Variants in ANKS1B observed in about 807,000 individuals in gnomAD.
ANKS1B encodes the protein ankyrin repeat and sterile alpha motif domain-containing protein 1B.
In ANKS1B, 36 loss-of-function variants were observed where a neutral mutation model predicts 148.3. The ratio of observed to expected loss-of-function variants is 0.24; its 90% CI spans 0.19 to 0.32. ANKS1B has a LOEUF of 0.32. Among genes scored for constraint, ANKS1B ranks in the 10% least tolerant of loss-of-function variants. The pLI is 1.00. For synonymous variants in ANKS1B, 542 were observed against 560.8 expected, an observed-to-expected ratio of 0.97 and a Z score of 0.47; for missense variants, 1,157 against 1,542.6, an observed-to-expected ratio of 0.75 and a Z score of 4.19.
At chr12:99,707,023 T>C (rs1370778639) in intron 8 of ANKS1B, among the ~76,000 whole-genome samples, 1 of 152,118 alleles carries the variant, frequency 6.6e-6, no homozygotes. Context: ...CTTGAATACC[T>C]GACACACGAA....
chr12:99,694,434 A>G (rs2053595959), intron 8 of ANKS1B, among the ~76,000 whole-genome samples: 1 of 151,146 alleles, frequency 6.6e-6, no homozygotes, highest in Non-Finnish European at 1.5e-5. Context: ...GTGAGACTTC[A>G]TCTAAAAAAA....
At chr12:99,277,375 A>G (rs1359582437) in intron 12 of ANKS1B, among the ~76,000 whole-genome samples, 1 of 152,248 alleles carries the variant, frequency 6.6e-6, no homozygotes, top group Non-Finnish European at 1.5e-5. Flanking sequence ...GAATCATGTT[A>G]TCAAAGCTAC....
chr12:99,722,938 AC>A (rs1039934899), intron 8 of ANKS1B, among the ~76,000 whole-genome samples: 2 of 151,906 alleles, frequency 1.3e-5, no homozygotes, highest in Admixed American at 6.5e-5. Flanking sequence ...GTGGGTCCCC[AC>A]CCCCCCGCCA....
At chr12:99,495,936 T>C (rs2096599972) in intron 10 of ANKS1B, among the ~76,000 whole-genome samples, 1 of 152,228 alleles carries the variant, frequency 6.6e-6, no homozygotes, top group Non-Finnish European at 1.5e-5. Flanking sequence ...GCAGAAGGTA[T>C]AGTAGAGTGT....
intron 17 of ANKS1B, among the ~76,000 whole-genome samples, chr12:99,034,788 T>A (rs561873537): frequency 6.6e-6 from 1 of 152,284 alleles, no homozygotes; most frequent in African/African-American, 2.4e-5. Context: ...ATCAAATACT[T>A]TTTGAACATC....
chr12:99,978,570 C>T (rs905473014), intron 1 of ANKS1B, among the ~76,000 whole-genome samples: 1 of 152,206 alleles, frequency 6.6e-6, no homozygotes, highest in Non-Finnish European at 1.5e-5. Flanking sequence ...AGCTTAACTG[C>T]TCTATTTGTG....
chr12:99,700,256 G>T (rs2054591157), intron 8 of ANKS1B, among the ~76,000 whole-genome samples: 2 of 152,066 alleles, frequency 1.3e-5, no homozygotes, highest in South Asian at 4.1e-4. Context: ...GAACCCAGAG[G>T]AACCAAAAGC....
chr12:99,228,281 T>C (rs1354576838), intron 14 of ANKS1B, among the ~76,000 whole-genome samples: 1 of 152,148 alleles, frequency 6.6e-6, no homozygotes, highest in Non-Finnish European at 1.5e-5. Context: ...CAATTTTGTT[T>C]CATAAGTTAT....
chr12:99,662,045 T>C (rs1293305079), intron 8 of ANKS1B, among the ~76,000 whole-genome samples: 1 of 152,212 alleles, frequency 6.6e-6, no homozygotes, highest in Non-Finnish European at 1.5e-5. Flanking sequence ...AGGTGATCCC[T>C]ACCAGCCTTG....
intron 8 of ANKS1B, among the ~76,000 whole-genome samples, chr12:99,681,319 T>C (rs2098615256): frequency 6.6e-6 from 1 of 152,210 alleles, no homozygotes; most frequent in Admixed American, 6.5e-5. Context: ...TGTAGCATCC[T>C]AGCTAACCAG....
At chr12:99,051,483 ATTGT>A (rs1307926547) in intron 17 of ANKS1B, among the ~76,000 whole-genome samples, 1 of 152,202 alleles carries the variant, frequency 6.6e-6, no homozygotes, top group Non-Finnish European at 1.5e-5. Context: ...AAGTTGGAAG[ATTGT>A]TTGGTTGATG....
intron 15 of ANKS1B, among the ~76,000 whole-genome samples, chr12:99,118,173 G>A (rs1192266321): frequency 6.6e-6 from 1 of 152,090 alleles, no homozygotes; most frequent in Non-Finnish European, 1.5e-5. Context: ...ATGCAAAAAC[G>A]CTAAATTCTA....
chr12:99,374,694 T>A lies in ANKS1B; in HGVS notation c.1756+24937A>T, dbSNP rs148398351. On this transcript the variant is annotated intron_variant, in intron 12 of 26. Coordinates refer to ENST00000683438, the MANE Select transcript of ANKS1B (RefSeq NM_001352186.2). ...GCTACAATTTTCTAGCTGAACAAAT[T>A]ACAGCAATATAAGCTTTCTTATGGT... 5.4e-3 allele frequency among the ~76,000 whole-genome samples: 816 copies of A among 152,324 alleles called. 4 individuals are homozygous for A. Among genetic ancestry groups the A allele is most frequent in the Non-Finnish European group, 9.0e-3 (610 of 68,012 alleles).
chr12:99,739,415 T>C (rs2059898613), intron 8 of ANKS1B, among the ~76,000 whole-genome samples: 2 of 151,470 alleles, frequency 1.3e-5, no homozygotes, highest in Admixed American at 1.3e-4. Flanking sequence ...TGTCTTTAAA[T>C]ACCATTTGAA....
intron 17 of ANKS1B, among the ~76,000 whole-genome samples, chr12:98,886,444 T>G (rs1333317627): frequency 6.6e-6 from 1 of 152,184 alleles, no homozygotes; most frequent in African/African-American, 2.4e-5. Context: ...TGAATGGAGA[T>G]GAAAATGACA....
chr12:99,954,350 G>A (rs1252592003), intron 1 of ANKS1B, among the ~76,000 whole-genome samples: 1 of 152,098 alleles, frequency 6.6e-6, no homozygotes, highest in East Asian at 1.9e-4. Flanking sequence ...CTTCTTAACT[G>A]ACCTTCAAAG....
At chr12:99,222,884 A>G (rs1482533312) in intron 14 of ANKS1B, among the ~76,000 whole-genome samples, 1 of 152,160 alleles carries the variant, frequency 6.6e-6, no homozygotes, top group Non-Finnish European at 1.5e-5. Context: ...TGGGACTTGG[A>G]AAAATTCTTT....
At chr12:99,310,440 G>A (rs917842385) in intron 12 of ANKS1B, among the ~76,000 whole-genome samples, 6 of 152,258 alleles carry the variant, frequency 3.9e-5, no homozygotes, top group Admixed American at 3.3e-4. Flanking sequence ...TAATGTTTGT[G>A]CCTCATGTCA....
At chr12:99,706,191 G>A (rs558900909) in intron 8 of ANKS1B, among the ~76,000 whole-genome samples, 72 of 152,094 alleles carry the variant, frequency 4.7e-4, no homozygotes, top group African/African-American at 1.3e-3. Flanking sequence ...ATAGTGGGAT[G>A]TCAATAGATA....
Sources: gnomAD v4.1 joint callset for allele counts (sites outside exome capture counted in the v4.1 genomes callset) on GRCh38, gnomAD v4.1.1 for gene constraint, MANE v1.5 for transcripts, NCBI Gene and HGNC (gene_info 2026-07-23, HGNC 2026-07-21) for gene names.